SCFD2: variants seen among roughly 807,000 people sequenced by gnomAD.
SCFD2 encodes sec1 family domain containing 2.
SCFD2 carries 54 observed loss-of-function variants against 58.9 expected under a neutral mutation model. The ratio of observed to expected loss-of-function variants is 0.92; its 90% CI spans 0.74 to 1.15. The LOEUF is 1.15. Ranked by LOEUF, SCFD2 falls within the 50% of genes most tolerant of loss-of-function variation. The pLI is 0.00. For synonymous variants in SCFD2, 321 were observed against 335.9 expected (o/e 0.96, Z 0.49); for missense variants, 805 against 836.6 (o/e 0.96, Z 0.47).
rs1729371329 is a variant in SCFD2 at position 53,229,851 on chromosome 4, A to G, written c.1311+43975T>C. Among the ~76,000 whole-genome samples the G allele has an allele frequency of 2.0e-5, 3 of 152,240 alleles. No individual in the cohort carries two copies. In the South Asian group the frequency reaches 6.2e-4, roughly 32 times the overall value. On this transcript the variant is annotated intron_variant, in intron 4 of 8. Transcript: ENST00000401642. ...GAACAGGCAACCTACAGAATGGGAG[A>G]AAATTTTTGCAACCTATTCATCTGA...
At chr4:53,352,825 T>A (rs1293719182) in intron 1 of SCFD2, 59 bp from the exon 2 acceptor site, 1 of 1,427,948 alleles carries the variant, frequency 7.0e-7, no homozygotes, top group African/African-American at 1.4e-5. Context: ...GCAAGTTGGA[T>A]AAATGTTTTA....
At chr4:52,927,748 G>T (rs1165873788) in intron 5 of SCFD2, among the ~76,000 whole-genome samples, 1 of 152,172 alleles carries the variant, frequency 6.6e-6, no homozygotes, top group Non-Finnish European at 1.5e-5. Flanking sequence ...CACAGGACAT[G>T]GAAATAGCCT....
intron 7 of SCFD2, among the ~76,000 whole-genome samples, chr4:52,891,608 C>T (rs931038610): frequency 5.3e-5 from 8 of 152,254 alleles, no homozygotes; most frequent in African/African-American, 1.2e-4. Flanking sequence ...TTCCACATAC[C>T]GCCTTTTCCC....
intron 4 of SCFD2, chr4:53,265,339 C>A (rs549171294): frequency 3.9e-4 from 60 of 152,224 alleles, no homozygotes; most frequent in African/African-American, 1.4e-3. Context: ...ATTATTATTA[C>A]CACTCACACC....
chr4:52,956,441 G>T lies in SCFD2; in HGVS notation c.1562-35571C>A, dbSNP rs568319576. ...GGCTCAAGTAACCAGGCTGAGGGAA[G>T]GGCAGGTGGCCACCAGGGTCCTGGG... On this transcript the variant is annotated intron_variant, in intron 5 of 8. Coordinates refer to ENST00000401642, the MANE Select transcript of SCFD2 (RefSeq NM_152540.4). The T allele has an allele frequency of 2.5e-5, 9 of 360,390 alleles. No homozygotes were observed. In the East Asian group the frequency reaches 5.9e-4, roughly 24 times the overall value. The allele number at this position is 360,390 out of a possible 1,614,324, so 22.3% of individuals were successfully genotyped here.
intron 2 of SCFD2, 98 bp from the exon 3 acceptor site, chr4:53,313,861 T>TA (rs1732775185): frequency 8.8e-7 from 1 of 1,140,928 alleles, no homozygotes; most frequent in South Asian, 1.4e-5. Context: ...TTTTGAGCAT[T>TA]AATGTAGTCT....
chr4:52,898,492 G>A (rs1190808518), intron 7 of SCFD2, among the ~76,000 whole-genome samples: 1 of 152,176 alleles, frequency 6.6e-6, no homozygotes, highest in African/African-American at 2.4e-5. Flanking sequence ...CTGAGTTCTA[G>A]TTTGATTGCA....
intron 5 of SCFD2, among the ~76,000 whole-genome samples, chr4:52,935,790 A>G (rs1306904461): frequency 6.6e-6 from 1 of 152,158 alleles, no homozygotes. Context: ...TGCAAAACAA[A>G]TTCCACTTCT....
At chr4:52,985,854 T>C (rs563440979) in intron 5 of SCFD2, among the ~76,000 whole-genome samples, 1 of 151,614 alleles carries the variant, frequency 6.6e-6, no homozygotes, top group African/African-American at 2.4e-5. Context: ...AAGCCCTACA[T>C]GTACTAGGAA....
intron 7 of SCFD2, among the ~76,000 whole-genome samples, chr4:52,888,569 A>G (rs540845128): frequency 6.6e-6 from 1 of 152,260 alleles, no homozygotes; most frequent in South Asian, 2.1e-4. Context: ...GAGTCAATGG[A>G]CACTCCTTTG....
At chr4:53,275,228 C>A (rs1384795594) in intron 3 of SCFD2, among the ~76,000 whole-genome samples, 6 of 152,174 alleles carry the variant, frequency 3.9e-5, no homozygotes, top group Admixed American at 3.3e-4. Context: ...AAAGTAAAGA[C>A]CTTGCCACAT....
At position 53,254,523 on chromosome 4, in the gene SCFD2, G is replaced by C. The variant is rs1400916230; in HGVS notation, c.1311+19303C>G. On this transcript the variant is annotated intron_variant, in intron 4 of 8. Transcript: ENST00000401642. ...GTTTTATTTTATTTCATTTTTAGTAGAGATGGGGTTTCACCATGTTGGCCA... is the reference window on the plus strand; with the variant it reads ...GTTTTATTTTATTTCATTTTTAGTACAGATGGGGTTTCACCATGTTGGCCA... 3.4e-5 allele frequency among the ~76,000 whole-genome samples: 5 copies of C among 147,124 alleles called. No homozygotes were observed. In the South Asian group the frequency reaches 6.4e-4, roughly 19 times the overall value.
chr4:53,331,910 G>A (rs1733487993), intron 2 of SCFD2, among the ~76,000 whole-genome samples: 2 of 151,996 alleles, frequency 1.3e-5, no homozygotes, highest in African/African-American at 2.4e-5. Flanking sequence ...AATGATAAAG[G>A]GGATATCACC....
intron 5 of SCFD2, among the ~76,000 whole-genome samples, chr4:52,944,553 G>A (rs1560488740): frequency 6.6e-6 from 1 of 152,146 alleles, no homozygotes; most frequent in Non-Finnish European, 1.5e-5. Flanking sequence ...TAGATGTCAT[G>A]ACTCTTTTAT....
intron 3 of SCFD2, among the ~76,000 whole-genome samples, chr4:53,309,065 G>A (rs1224306690): frequency 2.6e-5 from 4 of 151,994 alleles, no homozygotes; most frequent in Admixed American, 6.5e-5. Context: ...CCCAGGCGGC[G>A]GAGGTTGCAG....
intron 4 of SCFD2, among the ~76,000 whole-genome samples, chr4:53,172,888 T>C (rs773866549): frequency 8.5e-5 from 13 of 152,192 alleles, no homozygotes; most frequent in Non-Finnish European, 1.9e-4. Flanking sequence ...GACCAATGTT[T>C]CCTTATTAAT....
intron 5 of SCFD2, among the ~76,000 whole-genome samples, chr4:52,940,659 G>C (rs1222558062): frequency 6.6e-6 from 1 of 152,188 alleles, no homozygotes; most frequent in Non-Finnish European, 1.5e-5. Flanking sequence ...TTTCAGAAGA[G>C]TACCCCTGTG....
At chr4:52,961,457 A>G (rs1252628169) in intron 5 of SCFD2, among the ~76,000 whole-genome samples, 1 of 152,188 alleles carries the variant, frequency 6.6e-6, no homozygotes, top group African/African-American at 2.4e-5. Context: ...ATTTCATATC[A>G]GCTGTTTATT....
chr4:53,263,925 A>G (rs991654368), intron 4 of SCFD2, among the ~76,000 whole-genome samples: 6 of 152,092 alleles, frequency 3.9e-5, no homozygotes, highest in African/African-American at 1.4e-4. Flanking sequence ...TGGGAGCAGG[A>G]ATAGGTGTGT....
Sources: gnomAD v4.1 joint callset for allele counts (sites outside exome capture counted in the v4.1 genomes callset) on GRCh38, gnomAD v4.1.1 for gene constraint, MANE v1.5 for transcripts, NCBI Gene and HGNC (gene_info 2026-07-23, HGNC 2026-07-21) for gene names.